Variants in MAN1A2 observed in about 807,000 individuals in gnomAD.
The protein encoded by MAN1A2 is mannosidase alpha class 1A member 2.
MAN1A2 carries 26 observed loss-of-function variants against 75.7 expected under a neutral mutation model. The observed-to-expected ratio is 0.34, with a 90% CI of 0.25 to 0.48. The LOEUF (loss-of-function observed/expected upper bound fraction) is 0.48, where lower values mean the gene tolerates loss of function less well. Among genes scored for constraint, MAN1A2 ranks in the 20% least tolerant of loss-of-function variants. The probability of loss-of-function intolerance (pLI) is 0.99; values close to 1 mark genes in which losing one functional copy is unlikely to be tolerated. For missense variants in MAN1A2, 562 were observed against 775.5 expected (o/e 0.72, Z 3.27); for synonymous variants, 247 against 264.6 (o/e 0.93, Z 0.65).
chr1:117,413,893 C>T (rs1647901668), intron 3 of MAN1A2, among the ~76,000 whole-genome samples: 1 of 151,882 alleles, frequency 6.6e-6, no homozygotes, highest in Non-Finnish European at 1.5e-5. Context: ...AGTAGCAAAA[C>T]AAACCTAGTT....
intron 4 of MAN1A2, among the ~76,000 whole-genome samples, chr1:117,417,690 G>GCACACACACA (rs34249748): frequency 1.9e-4 from 27 of 142,712 alleles, no homozygotes; most frequent in South Asian, 1.1e-3. Context: ...AAGTAGGCGT[G>GCACACACACA]CACACACACA....
chr1:117,436,571 C>T (rs1648856988), intron 5 of MAN1A2, among the ~76,000 whole-genome samples: 1 of 152,230 alleles, frequency 6.6e-6, no homozygotes. Context: ...ACCAGGAATG[C>T]AAGTCCCTGA....
chr1:117,478,313 A>G (rs1437266703), intron 8 of MAN1A2, among the ~76,000 whole-genome samples: 1 of 151,960 alleles, frequency 6.6e-6, no homozygotes, highest in Non-Finnish European at 1.5e-5. Flanking sequence ...AGATTTCAGT[A>G]TATATTCTGG....
chr1:117,473,031 C>T (rs1005198171), intron 8 of MAN1A2, among the ~76,000 whole-genome samples: 2 of 151,904 alleles, frequency 1.3e-5, no homozygotes, highest in Non-Finnish European at 2.9e-5. Context: ...GAACTCTAGT[C>T]CTCACCTTGT....
intron 1 of MAN1A2, among the ~76,000 whole-genome samples, chr1:117,383,753 T>TAAAA (rs1445259418): frequency 3.3e-5 from 5 of 152,018 alleles, no homozygotes; most frequent in Non-Finnish European, 7.4e-5. Context: ...TTAAAAATTT[T>TAAAA]TTTTTTTTTT....
chr1:117,422,504 G>A (rs1397762901), intron 5 of MAN1A2, among the ~76,000 whole-genome samples: 1 of 152,020 alleles, frequency 6.6e-6, no homozygotes, highest in Non-Finnish European at 1.5e-5. Context: ...TGAGTCAAAG[G>A]TTAAGTGTAT....
At position 117,526,880 on chromosome 1, in the gene MAN1A2, C is replaced by CTCTCTCTCTA; in HGVS notation, c.*3924_*3925insCTCTCTCTAT. 309 of 54,524 alleles carry CTCTCTCTCTA rather than the reference C, an allele frequency of 5.7e-3. 2 individuals are homozygous for CTCTCTCTCTA. The highest frequency in any genetic ancestry group is 0.015 in the Middle Eastern group (1 of 68). 3.4% of individuals were successfully genotyped at this position (54,524 alleles called of 1,614,324 possible). A position where few individuals can be genotyped will look rare whatever the true frequency, so the allele number is the denominator to read the frequency against. On this transcript the variant is annotated 3_prime_UTR_variant, in exon 13 of 13. Transcript: ENST00000356554. ...TCTCTCTCTCTCTCTCTCTCTCTCT[C>CTCTCTCTCTA]TATATATATATATATATATATATAT...
At chr1:117,422,565 T>C (rs1269003562) in intron 5 of MAN1A2, among the ~76,000 whole-genome samples, 2 of 152,080 alleles carry the variant, frequency 1.3e-5, no homozygotes, top group Non-Finnish European at 2.9e-5. Context: ...TTGCCTCTCA[T>C]TGTTGTGAGT....
At chr1:117,413,331 C>A (rs1424655743) in intron 3 of MAN1A2, among the ~76,000 whole-genome samples, 1 of 151,732 alleles carries the variant, frequency 6.6e-6, no homozygotes, top group Non-Finnish European at 1.5e-5. Context: ...AAATTAAGAA[C>A]AACCATCATA....
At chr1:117,410,451 C>G (rs1647768249) in intron 3 of MAN1A2, among the ~76,000 whole-genome samples, 1 of 151,450 alleles carries the variant, frequency 6.6e-6, no homozygotes, top group Non-Finnish European at 1.5e-5. Context: ...AAGAGAATTT[C>G]AAAACAACAA....
At chr1:117,481,092 T>G (rs1650481988) in intron 8 of MAN1A2, among the ~76,000 whole-genome samples, 1 of 151,974 alleles carries the variant, frequency 6.6e-6, no homozygotes, top group Admixed American at 6.6e-5. Context: ...CATCCACTGT[T>G]CTGCCCAGTA....
chr1:117,428,315 A>G (rs892225971), intron 5 of MAN1A2, among the ~76,000 whole-genome samples: 2 of 151,814 alleles, frequency 1.3e-5, no homozygotes, highest in African/African-American at 2.4e-5. Flanking sequence ...GGGTCTCTCC[A>G]TGTTGCCCAG....
In MAN1A2 at chr1:117,448,434, T is replaced by C. The variant is rs1040037315; in HGVS notation, c.950+6109T>C. Among the ~76,000 whole-genome samples the C allele has an allele frequency of 8.5e-5, 13 of 152,206 alleles. 1 individual carries two copies. In the South Asian group the frequency reaches 2.5e-3, roughly 29 times the overall value. ...ACAGACATGGAAATAACAGAGGTGA[T>C]GGAGATAGCAGTAAAGGACTTTACA... is the stretch of plus-strand genomic sequence containing the variant. On this transcript the variant is annotated intron_variant, in intron 6 of 12. Coordinates refer to ENST00000356554, the MANE Select transcript of MAN1A2 (RefSeq NM_006699.5).
intron 5 of MAN1A2, among the ~76,000 whole-genome samples, chr1:117,429,426 A>AG (rs1405589773): frequency 2.0e-5 from 2 of 102,004 alleles, no homozygotes; most frequent in East Asian, 5.5e-4. Flanking sequence ...CTGGCCGGGC[A>AG]GGGGGGCTGA....
intron 10 of MAN1A2, among the ~76,000 whole-genome samples, chr1:117,498,770 T>G (rs919711131): frequency 1.3e-5 from 2 of 151,900 alleles, no homozygotes; most frequent in Non-Finnish European, 2.9e-5. Context: ...ATCCTAGTTT[T>G]GCTAACTTTC....
chr1:117,498,279 T>G (rs908178194), intron 10 of MAN1A2, among the ~76,000 whole-genome samples: 2 of 152,020 alleles, frequency 1.3e-5, no homozygotes, highest in East Asian at 3.9e-4. Context: ...ATATTCAATT[T>G]TATATTAGGA....
Position 117,384,321 on chromosome 1 carries a change from A to G in MAN1A2, c.302+15836A>G, listed in dbSNP as rs1409997356. Among the ~76,000 whole-genome samples, 6 of 152,058 alleles carry G rather than the reference A, an allele frequency of 3.9e-5. No homozygotes were observed. In the East Asian group the frequency reaches 5.8e-4, roughly 15 times the overall value. On this transcript the variant is annotated intron_variant, in intron 1 of 12. Coordinates refer to ENST00000356554, the MANE Select transcript of MAN1A2 (RefSeq NM_006699.5). Reference sequence around the variant, plus strand: ...AGTTTTGGTATGTGTTTTTGTCTTCATTTATCTGTATTTTCTAATTTCCCA... The same window carrying G: ...AGTTTTGGTATGTGTTTTTGTCTTCGTTTATCTGTATTTTCTAATTTCCCA...
rs1648032433 is a variant in MAN1A2 at position 117,417,508 on chromosome 1, T to A, written c.774+2677T>A. Among the ~76,000 whole-genome samples, 3 of 136,058 alleles carry A rather than the reference T, an allele frequency of 2.2e-5. No homozygotes were observed. The South Asian group carries it at 7.4e-4, about 33-fold the overall frequency. The allele number at this position is 136,058 out of a possible 152,430, so 89.3% of individuals were successfully genotyped here. The stretch of plus-strand genomic sequence containing the variant: ...TTAACATTATACCTTCCATTTCTAT[T>A]GACTTTGGAGATATCCTTGAGTTTA... On this transcript the variant is annotated intron_variant, in intron 4 of 12. Coordinates refer to ENST00000356554, the MANE Select transcript of MAN1A2 (RefSeq NM_006699.5).
At chr1:117,500,654 A>G (rs929010248) in intron 11 of MAN1A2, among the ~76,000 whole-genome samples, 1 of 151,878 alleles carries the variant, frequency 6.6e-6, no homozygotes, top group African/African-American at 2.4e-5. Context: ...ATAAGAGCAT[A>G]TTAATGGAAA....
Sources: gnomAD v4.1 joint callset for allele counts (sites outside exome capture counted in the v4.1 genomes callset) on GRCh38, gnomAD v4.1.1 for gene constraint, MANE v1.5 for transcripts, NCBI Gene and HGNC (gene_info 2026-07-23, HGNC 2026-07-21) for gene names.